Variants in TTC22 observed in about 807,000 individuals in gnomAD.
TTC22 encodes the protein tetratricopeptide repeat domain 22, also known as tetratricopeptide repeat protein 22.
In TTC22, 42 loss-of-function variants were observed where a neutral mutation model predicts 48.2. That is an observed-to-expected ratio of 0.87 (90% CI 0.68 to 1.13). The LOEUF is 1.13. Among genes scored for constraint, TTC22 ranks in the 50% most tolerant of loss-of-function variants. The probability of loss-of-function intolerance (pLI) is 0.00; values close to 1 mark genes in which losing one functional copy is unlikely to be tolerated. For missense variants in TTC22, 784 were observed against 807.0 expected, an observed-to-expected ratio of 0.97 and a Z score of 0.34; for synonymous variants, 345 against 365.5, an observed-to-expected ratio of 0.94 and a Z score of 0.64.
Position 54,801,032 on chromosome 1 carries a change from C to A in TTC22, c.132G>T (p.Arg44=), listed in dbSNP as rs1296512850. 1.2e-6 allele frequency: 2 copies of A among 1,611,648 alleles called. No homozygotes were observed. Among genetic ancestry groups the A allele is most frequent in the African/African-American group, 2.7e-5 (2 of 74,888 alleles). The change falls in exon 1 of 7, where the codon CGG becomes CGT. Residue 44 remains arginine, a synonymous_variant. Transcript: ENST00000371276. ...EPRSPAPQRA[R]DLKLQREGLR... Reference sequence around the variant, plus strand: ...GACCCTCCCGCTGCAGCTTCAGGTCCCGGGCGCGCTGTGGGGCCGGCGAGC... The same window carrying A: ...GACCCTCCCGCTGCAGCTTCAGGTCACGGGCGCGCTGTGGGGCCGGCGAGC...
rs75915524 is a variant in TTC22, at chr1:54,801,034, G to C, written c.130C>G (p.Arg44Gly). The C allele has an allele frequency of 5.1e-5, 82 of 1,611,656 alleles. No individual in the cohort carries two copies. Among genetic ancestry groups the C allele is most frequent in the Admixed American group, 3.3e-5 (2 of 59,952 alleles). ...CCCTCCCGCTGCAGCTTCAGGTCCC[G>C]GGCGCGCTGTGGGGCCGGCGAGCGC... ...EPRSPAPQRARDLKLQREGLR... is the reference protein window; with the variant it reads ...EPRSPAPQRAGDLKLQREGLR... The change falls in exon 1 of 7, where the codon CGG becomes GGG. Residue 44 changes from arginine to glycine, a missense_variant. By Grantham distance (125) the Arg-to-Gly change is moderately radical. Coordinates refer to ENST00000371276, the MANE Select transcript of TTC22 (RefSeq NM_001114108.2).
At position 54,781,372 on chromosome 1, in the gene TTC22, C is replaced by G; in HGVS notation, c.1581G>C (p.Glu527Asp). ...LQRVWRGHTDEVLGLARALVA... is the reference protein window; with the variant it reads ...LQRVWRGHTDDVLGLARALVA... ...CCAGGGCCCGGGCCAGCCCCAACAC[C>G]TCGTCCGTGTGCCCGCGCCACACGC... The change falls in exon 7 of 7, where the codon GAG (glutamate) becomes GAC (aspartate). Residue 527 changes from glutamate to aspartate, a missense_variant. Transcript: ENST00000371276. 1 of 1,391,128 alleles carries G rather than the reference C, an allele frequency of 7.2e-7. No homozygotes were observed. Among genetic ancestry groups the G allele is most frequent in the East Asian group, 3.1e-5 (1 of 32,474 alleles). The allele number at this position is 1,391,128 out of a possible 1,614,324, so 86.2% of individuals were successfully genotyped here. A position where few individuals can be genotyped will look rare whatever the true frequency, so the allele number is the denominator to read the frequency against.
intron 6 of TTC22, 72 bp downstream of exon 6, chr1:54,782,252 GC>G: frequency 7.0e-7 from 1 of 1,418,586 alleles, no homozygotes; most frequent in Middle Eastern, 2.3e-4. Flanking sequence ...TCTTGGCCTA[GC>G]CCTTGGTCTA....
chr1:54,787,532 A>G (rs1646313759), intron 3 of TTC22, 179 bp downstream of exon 3: 1 of 616,448 alleles, frequency 1.6e-6, no homozygotes, highest in Non-Finnish European at 2.9e-6. Context: ...TGTAGTTGGC[A>G]TGTTCACTTG....
chr1:54,787,297 CG>C, intron 3 of TTC22: 1 of 552,918 alleles, frequency 1.8e-6, no homozygotes, highest in South Asian at 2.5e-5. Context: ...AATGTGTCAT[CG>C]GGGGACCTAA....
chr1:54,797,182 T>A (rs1319206573), intron 1 of TTC22, among the ~76,000 whole-genome samples: 1 of 152,218 alleles, frequency 6.6e-6, no homozygotes, highest in African/African-American at 2.4e-5. Context: ...TCACCTGGTC[T>A]AACTCCAAAG....
At chr1:54,786,213 T>G (rs1337602496) in intron 4 of TTC22, 69 bp from the exon 5 acceptor site, 2 of 1,455,170 alleles carry the variant, frequency 1.4e-6, no homozygotes, top group East Asian at 4.5e-5. Flanking sequence ...TAAACAGTGC[T>G]GAACCACAGG....
intron 1 of TTC22, among the ~76,000 whole-genome samples, chr1:54,795,979 G>C (rs968915466): frequency 9.2e-5 from 14 of 152,342 alleles, no homozygotes; most frequent in African/African-American, 3.4e-4. Flanking sequence ...AAGACACAAC[G>C]CCTCTCTGTG....
intron 1 of TTC22, among the ~76,000 whole-genome samples, chr1:54,797,382 G>A (rs1268561263): frequency 6.6e-6 from 1 of 152,174 alleles, no homozygotes; most frequent in Non-Finnish European, 1.5e-5. Context: ...GAGAAATGTG[G>A]CTGGGCGCGG....
intron 1 of TTC22, among the ~76,000 whole-genome samples, chr1:54,788,821 G>A (rs921895501): frequency 1.2e-4 from 19 of 152,012 alleles, no homozygotes; most frequent in East Asian, 1.9e-4. Flanking sequence ...CTCTACCCCC[G>A]TCCCCAGCAG....
At chr1:54,781,979 T>C (rs1646266832) in intron 6 of TTC22, among the ~76,000 whole-genome samples, 200 bp from the exon 7 acceptor site, 1 of 152,228 alleles carries the variant, frequency 6.6e-6, no homozygotes, top group African/African-American at 2.4e-5. Context: ...CCTTCACACC[T>C]AGCTATATAA....
chr1:54,800,396 C>G (rs150597917), intron 1 of TTC22, among the ~76,000 whole-genome samples: 41 of 152,310 alleles, frequency 2.7e-4, no homozygotes, highest in African/African-American at 8.9e-4. Context: ...GGCAGTCCCA[C>G]TAGGAAGCGG....
At position 54,786,105 on chromosome 1, in the gene TTC22, G is replaced by C. The variant is rs72895712; in HGVS notation, c.898C>G (p.Arg300Gly). The C allele has an allele frequency of 1.2e-6, 2 of 1,614,134 alleles. No individual in the cohort carries two copies. The highest frequency in any genetic ancestry group is 1.7e-6 in the Non-Finnish European group (2 of 1,179,992). The change falls in exon 5 of 7, where the codon CGC becomes GGC. Residue 300 changes from arginine to glycine, a missense_variant. Transcript: ENST00000371276. The stretch of plus-strand genomic sequence containing the variant: ...AGGAAGTAGAAGATTTTTGCCAGGC[G>C]ATTCAGGATGGGAGGTTGGTTCTTG... Reference protein sequence around the residue: ...IAKNQPPILNRLAKIFYFLGK... With the variant: ...IAKNQPPILNGLAKIFYFLGK...
At chr1:54,786,934 T>C in intron 4 of TTC22, 23 bp downstream of exon 4, 1 of 1,248,076 alleles carries the variant, frequency 8.0e-7, no homozygotes, top group African/African-American at 1.5e-5. Flanking sequence ...GTTTAGAGGG[T>C]GGGTGTGGCT....
intron 1 of TTC22, among the ~76,000 whole-genome samples, chr1:54,797,024 G>A (rs965795456): frequency 4.6e-5 from 7 of 152,278 alleles, no homozygotes; most frequent in Middle Eastern, 3.4e-3. Flanking sequence ...AGGACCTTAT[G>A]TGCCCCTGCC....
chr1:54,794,296 A>C (rs1401257211), intron 1 of TTC22, among the ~76,000 whole-genome samples: 1 of 152,220 alleles, frequency 6.6e-6, no homozygotes, highest in African/African-American at 2.4e-5. Context: ...TGGTAGGATT[A>C]GGATAAGCCA....
chr1:54,800,563 C>G, intron 1 of TTC22, 34 bp downstream of exon 1: 2 of 1,443,372 alleles, frequency 1.4e-6, no homozygotes, highest in Non-Finnish European at 1.8e-6. Flanking sequence ...CCACAGTCCT[C>G]CCAGAGGGAG....
At chr1:54,798,816 G>A (rs529786690) in intron 1 of TTC22, among the ~76,000 whole-genome samples, 1 of 152,232 alleles carries the variant, frequency 6.6e-6, no homozygotes, top group East Asian at 1.9e-4. Context: ...ATCATTTGTT[G>A]CATAATCCCA....
chr1:54,786,488 C>T, intron 4 of TTC22: 1 of 278,068 alleles, frequency 3.6e-6, no homozygotes, highest in African/African-American at 2.2e-5. Context: ...GAGGCAACCC[C>T]CATCCCCCAA....
Sources: gnomAD v4.1 joint callset for allele counts (sites outside exome capture counted in the v4.1 genomes callset) on GRCh38, gnomAD v4.1.1 for gene constraint, MANE v1.5 for transcripts, NCBI Gene and HGNC (gene_info 2026-07-23, HGNC 2026-07-21) for gene names.